The following USP46 variants were observed in gnomAD, a reference collection of about 807,000 sequenced individuals.
USP46 encodes the protein ubiquitin carboxyl-terminal hydrolase 46.
In USP46, 12 loss-of-function variants were observed where a neutral mutation model predicts 44.4. The observed-to-expected ratio is 0.27, with a 90% CI of 0.17 to 0.44. The LOEUF is 0.44. Ranked by LOEUF, USP46 falls within the 20% of genes least tolerant of loss-of-function variation. The probability of loss-of-function intolerance (pLI) is 1.00; values close to 1 mark genes in which losing one functional copy is unlikely to be tolerated. For synonymous variants in USP46, 155 were observed against 161.5 expected (o/e 0.96, Z 0.31); for missense variants, 248 against 444.8 (o/e 0.56, Z 3.98).
intron 4 of USP46, among the ~76,000 whole-genome samples, chr4:52,614,073 G>A (rs1717033547): frequency 6.6e-6 from 1 of 152,140 alleles, no homozygotes; most frequent in Non-Finnish European, 1.5e-5. Flanking sequence ...TAACAGCAAA[G>A]TGGAGGTGAC....
At chr4:52,645,362 G>A (rs1372497065) in intron 1 of USP46, among the ~76,000 whole-genome samples, 1 of 152,116 alleles carries the variant, frequency 6.6e-6, no homozygotes, top group African/African-American at 2.4e-5. Context: ...CTAGCAAGGA[G>A]CATTAAAGAA....
intron 1 of USP46, among the ~76,000 whole-genome samples, chr4:52,633,555 T>A (rs538588054): frequency 5.3e-5 from 8 of 152,314 alleles, no homozygotes; most frequent in South Asian, 2.1e-4. Flanking sequence ...TAATGCATAT[T>A]AAATATACCC....
At chr4:52,618,471 C>T (rs1717249616) in intron 4 of USP46, among the ~76,000 whole-genome samples, 1 of 151,816 alleles carries the variant, frequency 6.6e-6, no homozygotes, top group Non-Finnish European at 1.5e-5. Flanking sequence ...GCCTGGGTGA[C>T]AGAGTGAGAC....
chr4:52,602,844 A>G (rs2109596064), intron 6 of USP46, among the ~76,000 whole-genome samples: 1 of 148,320 alleles, frequency 6.7e-6, no homozygotes, highest in African/African-American at 2.7e-5. Context: ...CCAAACTTAT[A>G]TAAACATAGA....
intron 3 of USP46, among the ~76,000 whole-genome samples, chr4:52,627,296 GAAGT>G (rs1431942402): frequency 3.9e-5 from 6 of 152,184 alleles, no homozygotes; most frequent in Non-Finnish European, 7.3e-5. Context: ...CACGTCTGAT[GAAGT>G]AAGGCTGAAT....
chr4:52,605,570 AAC>A lies in USP46; in HGVS notation c.639-988_639-987del, dbSNP rs546150173. Among the ~76,000 whole-genome samples, 13 of 152,346 alleles carry A rather than the reference AAC, an allele frequency of 8.5e-5. No homozygotes were observed. The East Asian group carries it at 2.3e-3, about 27-fold the overall frequency. The stretch of plus-strand genomic sequence containing the variant: ...ACTTACACAGAACACATCAAAAGAA[AAC>A]ACAGATTCTTTCATTCATTAAGTCC... On this transcript the variant is annotated intron_variant, in intron 5 of 8. Coordinates refer to ENST00000441222, the MANE Select transcript of USP46 (RefSeq NM_022832.4).
chr4:52,658,579 C>G (rs981190467), intron 1 of USP46, among the ~76,000 whole-genome samples: 9 of 152,248 alleles, frequency 5.9e-5, no homozygotes, highest in African/African-American at 2.2e-4. Flanking sequence ...TTGAAGTTCA[C>G]TTCTCCAGCC....
intron 4 of USP46, among the ~76,000 whole-genome samples, chr4:52,620,039 A>G (rs1021988506): frequency 6.6e-6 from 1 of 152,256 alleles, no homozygotes; most frequent in Admixed American, 6.5e-5. Context: ...GAATCCCATT[A>G]TAACAAATAC....
intron 2 of USP46, 126 bp from the exon 3 acceptor site, chr4:52,628,289 G>T: frequency 1.2e-6 from 1 of 835,016 alleles, no homozygotes; most frequent in Non-Finnish European, 1.8e-6. Flanking sequence ...TTGGAGTCCA[G>T]CTCACCATAT....
intron 4 of USP46, among the ~76,000 whole-genome samples, chr4:52,618,888 T>C (rs1717270864): frequency 6.6e-6 from 1 of 152,136 alleles, no homozygotes; most frequent in Admixed American, 6.5e-5. Flanking sequence ...GCTGTAAAAT[T>C]GGTACTTAAT....
At chr4:52,641,026 C>T (rs1718320366) in intron 1 of USP46, among the ~76,000 whole-genome samples, 1 of 151,690 alleles carries the variant, frequency 6.6e-6, no homozygotes, top group South Asian at 2.1e-4. Context: ...GATATCCAGC[C>T]TGACTATTCC....
Position 52,601,878 on chromosome 4 carries a change from G to A in USP46, c.899C>T (p.Ala300Val). 1 of 1,613,530 alleles carries A rather than the reference G, an allele frequency of 6.2e-7. No individual in the cohort carries two copies. Residue 300 changes from alanine (A) to valine (V), a missense_variant, in exon 7 of 9, where the codon GCG (alanine) becomes GTG (valine). Transcript: ENST00000441222. Reference protein sequence around the residue: ...VNLDRMYDLVAVVVHCGSGPN... With the variant: ...VNLDRMYDLVVVVVHCGSGPN... ...TTACCTGCCACAGTGAACGACCACC[G>A]CAACCAAGTCATACATGCGGTCCAG...
chr4:52,649,565 CA>C (rs1391421469), intron 1 of USP46, among the ~76,000 whole-genome samples: 1 of 152,208 alleles, frequency 6.6e-6, no homozygotes, highest in Non-Finnish European at 1.5e-5. Context: ...GTTAGAAGTG[CA>C]AAATCTCCGC....
At chr4:52,625,060 A>G (rs1050628075) in intron 4 of USP46, among the ~76,000 whole-genome samples, 9 of 152,156 alleles carry the variant, frequency 5.9e-5, no homozygotes, top group African/African-American at 2.2e-4. Flanking sequence ...AAAATGCACA[A>G]TCTTATAGAA....
chr4:52,608,635 C>T lies in USP46; in HGVS notation c.638+1906G>A, dbSNP rs191921515. Reference sequence around the variant, plus strand: ...GAGAGCTTTAAAAACAATCCCAATGCCCAATCCCGCACCCCTCCACCCCCC... The same window carrying T: ...GAGAGCTTTAAAAACAATCCCAATGTCCAATCCCGCACCCCTCCACCCCCC... On this transcript the variant is annotated intron_variant, in intron 5 of 8. Transcript: ENST00000441222. Among the ~76,000 whole-genome samples the T allele has an allele frequency of 5.3e-5, 8 of 152,322 alleles. No homozygotes were observed. In the East Asian group the frequency reaches 7.7e-4, roughly 15 times the overall value.
chr4:52,598,599 G>T, intron 8 of USP46, 29 bp downstream of exon 8: 1 of 1,588,632 alleles, frequency 6.3e-7, no homozygotes, highest in Non-Finnish European at 8.6e-7. Flanking sequence ...GATGCTCTAT[G>T]ACTACTGGAG....
At chr4:52,636,610 G>A (rs1378899158) in intron 1 of USP46, among the ~76,000 whole-genome samples, 1 of 150,564 alleles carries the variant, frequency 6.6e-6, no homozygotes, top group East Asian at 2.0e-4. Flanking sequence ...GGAGGCTGAG[G>A]CGGGAGAATT....
chr4:52,605,796 C>G (rs748156098), intron 5 of USP46, among the ~76,000 whole-genome samples: 1 of 152,182 alleles, frequency 6.6e-6, no homozygotes, highest in Non-Finnish European at 1.5e-5. Context: ...ACTTATCCAC[C>G]CTGCCTCCTT....
intron 1 of USP46, among the ~76,000 whole-genome samples, chr4:52,650,226 A>G (rs1008806186): frequency 2.0e-5 from 3 of 152,250 alleles, no homozygotes; most frequent in Non-Finnish European, 4.4e-5. Flanking sequence ...GAGAATGAAT[A>G]AGTAAACCAT....
Sources: gnomAD v4.1 joint callset for allele counts (sites outside exome capture counted in the v4.1 genomes callset) on GRCh38, gnomAD v4.1.1 for gene constraint, MANE v1.5 for transcripts, NCBI Gene and HGNC (gene_info 2026-07-23, HGNC 2026-07-21) for gene names.